Variants in LPP observed in about 807,000 individuals in gnomAD.
LPP encodes the protein lipoma-preferred partner.
Under a neutral mutation model 60.4 loss-of-function variants are expected in LPP, and 38 were observed. The observed-to-expected ratio is 0.63, with a 90% CI of 0.49 to 0.83. The LOEUF (loss-of-function observed/expected upper bound fraction) is 0.83. Among genes scored for constraint, LPP ranks in the 40% least tolerant of loss-of-function variants. The probability of loss-of-function intolerance (pLI) is 0.00; values close to 1 mark genes in which losing one functional copy is unlikely to be tolerated. For missense variants in LPP, 902 were observed against 783.6 expected (o/e 1.15, Z -1.80); for synonymous variants, 328 against 290.8 (o/e 1.13, Z -1.30).
rs139427506 is a variant in LPP at position 188,630,682 on chromosome 3, T to C, written c.1113+20838T>C. Among the ~76,000 whole-genome samples the C allele has an allele frequency of 7.2e-4, 109 of 152,296 alleles. 2 individuals carry two copies. The East Asian group carries it at 0.02, about 28-fold the overall frequency. ...GCAAAAGTAATTGTGGTTTCTGCCATTAAAAGTAATGGCAGAAACCTAATG... is the reference window on the plus strand; with the variant it reads ...GCAAAAGTAATTGTGGTTTCTGCCACTAAAAGTAATGGCAGAAACCTAATG... On this transcript the variant is annotated intron_variant, in intron 7 of 11. Transcript: ENST00000617246.
At chr3:188,224,046 C>T (rs959270038) in intron 1 of LPP, among the ~76,000 whole-genome samples, 19 of 152,000 alleles carry the variant, frequency 1.3e-4, no homozygotes, top group African/African-American at 4.1e-4. Context: ...AATAGGTGTT[C>T]GAGGCCTGGA....
intron 2 of LPP, among the ~76,000 whole-genome samples, chr3:188,324,601 A>G (rs1757871505): frequency 6.6e-6 from 1 of 152,142 alleles, no homozygotes; most frequent in African/African-American, 2.4e-5. Flanking sequence ...TCTGACTCTG[A>G]TTGCTATCAT....
At chr3:188,248,169 A>C (rs73059660) in intron 2 of LPP, among the ~76,000 whole-genome samples, 2,585 of 152,138 alleles carry the variant, frequency 0.017, 72 homozygotes, top group African/African-American at 0.056. Context: ...TGCTGGATGA[A>C]CCGAAAATTC....
chr3:188,418,961 A>T (rs1171219951), intron 4 of LPP, among the ~76,000 whole-genome samples: 1 of 152,140 alleles, frequency 6.6e-6, no homozygotes, highest in South Asian at 2.1e-4. Context: ...TGGCATTTTA[A>T]TTCGTCATTA....
intron 2 of LPP, among the ~76,000 whole-genome samples, chr3:188,267,551 G>A (rs910135994): frequency 3.3e-5 from 5 of 152,132 alleles, no homozygotes; most frequent in Admixed American, 1.3e-4. Context: ...AGCCAGGGCC[G>A]AGTTATCTCC....
At chr3:188,360,315 T>C (rs939464244) in intron 3 of LPP, among the ~76,000 whole-genome samples, 2 of 152,212 alleles carry the variant, frequency 1.3e-5, no homozygotes, top group Non-Finnish European at 2.9e-5. Flanking sequence ...TGTGGGCTTA[T>C]GTTTATTAGC....
chr3:188,701,434 A>G (rs1166006465), intron 7 of LPP, among the ~76,000 whole-genome samples: 4 of 152,250 alleles, frequency 2.6e-5, no homozygotes, highest in African/African-American at 4.8e-5. Context: ...TAGAAAGAAT[A>G]TAAAGCATTC....
At chr3:188,250,694 TCTC>T (rs913967337) in intron 2 of LPP, among the ~76,000 whole-genome samples, 3 of 151,376 alleles carry the variant, frequency 2.0e-5, no homozygotes, top group Admixed American at 6.6e-5. Flanking sequence ...GCTCTCTCTC[TCTC>T]TTTTCCTCTT....
intron 5 of LPP, among the ~76,000 whole-genome samples, chr3:188,520,178 C>T (rs1041269591): frequency 3.9e-5 from 6 of 152,162 alleles, no homozygotes; most frequent in African/African-American, 1.4e-4. Context: ...TCAGATAATG[C>T]ATAAAAATAA....
At chr3:188,633,514 A>T (rs1453599223) in intron 7 of LPP, among the ~76,000 whole-genome samples, 1 of 152,208 alleles carries the variant, frequency 6.6e-6, no homozygotes, top group Admixed American at 6.5e-5. Flanking sequence ...AATAAGAAAG[A>T]CTATACAAAA....
intron 8 of LPP, among the ~76,000 whole-genome samples, chr3:188,732,670 A>G (rs1182644816): frequency 6.7e-6 from 1 of 148,588 alleles, no homozygotes; most frequent in East Asian, 2.0e-4. Context: ...GTGAGCCAAG[A>G]TCACACCACT....
intron 4 of LPP, among the ~76,000 whole-genome samples, chr3:188,409,028 C>T (rs1784317794): frequency 6.6e-6 from 1 of 152,112 alleles, no homozygotes; most frequent in East Asian, 1.9e-4. Flanking sequence ...TCATATTATG[C>T]TACTGTGTTT....
rs1223931689 is a variant in LPP at position 188,478,088 on chromosome 3, C to G, written c.194-6504C>G. 4.6e-5 allele frequency among the ~76,000 whole-genome samples: 7 copies of G among 151,958 alleles called. No homozygotes were observed. In the East Asian group the frequency reaches 7.7e-4, roughly 17 times the overall value. ...ATTATAGCTGTGGCATAATTCATTG[C>G]CTTATGGAGATCATCATTGCTGTTA... On this transcript the variant is annotated intron_variant, in intron 4 of 11. Transcript: ENST00000617246.
At chr3:188,365,756 C>A (rs138698245) in intron 3 of LPP, among the ~76,000 whole-genome samples, 3 of 149,740 alleles carry the variant, frequency 2.0e-5, no homozygotes, top group Non-Finnish European at 4.4e-5. Context: ...CAATTTCCAG[C>A]TTTATCAGGA....
At chr3:188,486,474 T>C (rs575348534) in intron 5 of LPP, among the ~76,000 whole-genome samples, 2 of 152,254 alleles carry the variant, frequency 1.3e-5, no homozygotes, top group East Asian at 3.9e-4. Context: ...AAGGCTTACC[T>C]ACTAGGATGG....
At chr3:188,629,382 G>A (rs1847441144) in intron 7 of LPP, among the ~76,000 whole-genome samples, 2 of 152,034 alleles carry the variant, frequency 1.3e-5, no homozygotes, top group Admixed American at 6.6e-5. Context: ...GTTCTAGACA[G>A]AAAATCAGTG....
intron 10 of LPP, among the ~76,000 whole-genome samples, chr3:188,870,170 G>C (rs1235202416): frequency 6.7e-6 from 1 of 149,832 alleles, no homozygotes; most frequent in Non-Finnish European, 1.5e-5. Context: ...ATGTGTGTTT[G>C]TGTATATATA....
chr3:188,335,152 T>C (rs367870146), intron 2 of LPP, among the ~76,000 whole-genome samples: 12 of 152,226 alleles, frequency 7.9e-5, no homozygotes, highest in African/African-American at 2.9e-4. Context: ...GTGTCCAGTA[T>C]GTTGATGACT....
At chr3:188,413,497 C>T (rs957708559) in intron 4 of LPP, among the ~76,000 whole-genome samples, 5 of 152,104 alleles carry the variant, frequency 3.3e-5, no homozygotes, top group Non-Finnish European at 7.4e-5. Context: ...TGTAATGAAG[C>T]TCGGGTTTGC....
Sources: allele counts gnomAD v4.1 joint callset (sites outside exome capture counted in the v4.1 genomes callset), GRCh38; gene constraint gnomAD v4.1.1; transcripts MANE v1.5; gene names NCBI Gene and HGNC (gene_info 2026-07-23, HGNC 2026-07-21).